HTR3B: variants seen among roughly 807,000 people sequenced by gnomAD.
HTR3B encodes the protein 5-hydroxytryptamine (serotonin) receptor 3B, ionotropic.
HTR3B carries 44 observed loss-of-function variants against 42.8 expected under a neutral mutation model. The observed-to-expected ratio is 1.03, with a 90% CI of 0.81 to 1.32. HTR3B has a LOEUF of 1.32. Among genes scored for constraint, HTR3B ranks in the 40% most tolerant of loss-of-function variants. The pLI, the probability that HTR3B is intolerant of heterozygous loss-of-function variation, is 0.00. For synonymous variants in HTR3B, 203 were observed against 209.0 expected (o/e 0.97, Z 0.25); for missense variants, 527 against 536.5 (o/e 0.98, Z 0.17).
At chr11:113,901,289 AG>A (rs1949696100), upstream of HTR3B, among the ~76,000 whole-genome samples, 1 of 152,112 alleles carries the variant, frequency 6.6e-6, no homozygotes. Flanking sequence ...TAAAAAGAGA[AG>A]AAATTAGCCA....
chr11:113,936,919 A>T lies in HTR3B; in HGVS notation c.696+3826A>T, dbSNP rs770464352. Among the ~76,000 whole-genome samples, 8 of 152,316 alleles carry T rather than the reference A, an allele frequency of 5.3e-5. No homozygotes were observed. The East Asian group carries it at 1.5e-3, about 29-fold the overall frequency. On this transcript the variant is annotated intron_variant, in intron 6 of 8. Coordinates refer to ENST00000260191, the MANE Select transcript of HTR3B (RefSeq NM_006028.5). ...CATCTCCAAGGAGCTCTCCACACACACATTCGGAATTAGATTGATCTCTTT... is the reference window on the plus strand; with the variant it reads ...CATCTCCAAGGAGCTCTCCACACACTCATTCGGAATTAGATTGATCTCTTT...
rs76700937 is a variant in HTR3B at position 113,925,123 on chromosome 11, A to G, written c.214-6261A>G. ...CACCATCAACATGGACTATAATACC[A>G]GTGGTGCCTTCTGACCCCCTATCCA... On this transcript the variant is annotated intron_variant, in intron 2 of 8. Coordinates refer to ENST00000260191, the MANE Select transcript of HTR3B (RefSeq NM_006028.5). Among the ~76,000 whole-genome samples, 103 of 152,302 alleles carry G rather than the reference A, an allele frequency of 6.8e-4. No homozygotes were observed. In the East Asian group the frequency reaches 0.018, roughly 27 times the overall value.
At chr11:113,933,803 T>G (rs1242032761) in intron 6 of HTR3B, among the ~76,000 whole-genome samples, 1 of 152,222 alleles carries the variant, frequency 6.6e-6, no homozygotes, top group Non-Finnish European at 1.5e-5. Flanking sequence ...CCTGGGAAAC[T>G]GTTTTGACAC....
chr11:113,935,675 C>T (rs768996738), intron 6 of HTR3B, among the ~76,000 whole-genome samples: 2 of 152,202 alleles, frequency 1.3e-5, no homozygotes, highest in African/African-American at 4.8e-5. Flanking sequence ...TTTCCTTCAA[C>T]AGCCCTTGGC....
chr11:113,941,919 G>C (rs548697603), intron 6 of HTR3B, among the ~76,000 whole-genome samples: 1 of 152,254 alleles, frequency 6.6e-6, no homozygotes, highest in South Asian at 2.1e-4. Flanking sequence ...GCCATCTTGT[G>C]GTTTCCCTAA....
chr11:113,908,765 T>C (rs185970955), intron 1 of HTR3B, among the ~76,000 whole-genome samples: 13 of 152,338 alleles, frequency 8.5e-5, no homozygotes, highest in African/African-American at 2.6e-4. Flanking sequence ...AAGAGATTTT[T>C]GAGGAGAAAA....
In HTR3B at chr11:113,945,984, C is replaced by T. The variant is rs1950174160; in HGVS notation, c.1173C>T (p.Tyr391=). The T allele has an allele frequency of 6.2e-7, 1 of 1,614,034 alleles. No homozygotes were observed. Among genetic ancestry groups the T allele is most frequent in the African/African-American group, 1.3e-5 (1 of 74,920 alleles). ...VWSQLQSISN[Y]LQTQDQTDQQ... is the part of the protein sequence containing the mutation. ...CGCAGCTTCAATCTATCAGCAACTA[C>T]CTCCAAACTCAGGACCAGACAGACC... Residue 391 remains tyrosine (Y), a synonymous_variant, in exon 9 of 9, where the codon TAC becomes TAT. Coordinates refer to ENST00000260191, the MANE Select transcript of HTR3B (RefSeq NM_006028.5).
At chr11:113,913,430 C>T (rs1371379591) in intron 2 of HTR3B, among the ~76,000 whole-genome samples, 3 of 135,904 alleles carry the variant, frequency 2.2e-5, no homozygotes, top group Non-Finnish European at 3.0e-5. Context: ...AGGCTGGTCT[C>T]GAACTCCTGA....
At chr11:113,935,828 AG>A (rs1237673757) in intron 6 of HTR3B, among the ~76,000 whole-genome samples, 4 of 152,266 alleles carry the variant, frequency 2.6e-5, no homozygotes, top group Admixed American at 2.6e-4. Context: ...GGGGACGGGT[AG>A]GGAAGTCAGG....
At chr11:113,922,289 G>C (rs1220311795) in intron 2 of HTR3B, among the ~76,000 whole-genome samples, 6 of 151,672 alleles carry the variant, frequency 4.0e-5, no homozygotes, top group Non-Finnish European at 8.8e-5. Context: ...ATCCAGGCTG[G>C]AGTACAGTGG....
chr11:113,930,376 G>A (rs562142400), intron 2 of HTR3B, among the ~76,000 whole-genome samples: 1 of 151,480 alleles, frequency 6.6e-6, no homozygotes, highest in African/African-American at 2.4e-5. Context: ...GTTTATATAC[G>A]GTGTGAGATA....
In HTR3B at chr11:113,932,366, T is replaced by G; in HGVS notation, c.446T>G (p.Ile149Ser). The change falls in exon 5 of 9, where the codon ATC becomes AGC. Residue 149 changes from isoleucine to serine, a missense_variant. Physicochemically the swap from Ile to Ser is moderately radical, Grantham distance 142 (BLOSUM62 -2). Transcript: ENST00000260191. Reference protein sequence around the residue: ...SSGTIENYKPIQVVSACSLET... With the variant: ...SSGTIENYKPSQVVSACSLET... ...GGGACCATTGAGAACTATAAGCCCA[T>G]CCAGGTGGTCTCTGCGTGCAGTTTA... 1.2e-6 allele frequency: 2 copies of G among 1,613,784 alleles called. No homozygotes were observed. Among genetic ancestry groups the G allele is most frequent in the Non-Finnish European group, 1.7e-6 (2 of 1,179,664 alleles).
At chr11:113,899,903 T>G, upstream of HTR3B, among the ~76,000 whole-genome samples, 1 of 152,212 alleles carries the variant, frequency 6.6e-6, no homozygotes, top group East Asian at 1.9e-4. Flanking sequence ...CCTGAACTTC[T>G]GTAAGAGAAT....
intron 2 of HTR3B, among the ~76,000 whole-genome samples, chr11:113,913,037 C>T (rs1160260545): frequency 6.7e-6 from 1 of 148,976 alleles, no homozygotes; most frequent in East Asian, 1.9e-4. Context: ...ATAGTAATTA[C>T]ATAATACATA....
chr11:113,928,930 G>T (rs954231128), intron 2 of HTR3B, among the ~76,000 whole-genome samples: 2 of 152,146 alleles, frequency 1.3e-5, no homozygotes, highest in Non-Finnish European at 2.9e-5. Flanking sequence ...GGACACTTGG[G>T]TTGATTCTAC....
In HTR3B at chr11:113,932,354, A is replaced by G; in HGVS notation, c.434A>G (p.Asn145Ser). Residue 145 changes from asparagine (N) to serine (S), a missense_variant, in exon 5 of 9, where the codon AAC becomes AGC. Physicochemically the swap from Asn to Ser is conservative, Grantham distance 46. Coordinates refer to ENST00000260191, the MANE Select transcript of HTR3B (RefSeq NM_006028.5). ...GTGAACTCATCTGGGACCATTGAGA[A>G]CTATAAGCCCATCCAGGTGGTCTCT... Reference protein sequence around the residue: ...VYVNSSGTIENYKPIQVVSAC... With the variant: ...VYVNSSGTIESYKPIQVVSAC... 6.2e-7 allele frequency: 1 copy of G among 1,613,746 alleles called. No homozygotes were observed. The highest frequency in any genetic ancestry group is 8.5e-7 in the Non-Finnish European group (1 of 1,179,652).
chr11:113,909,574 T>C (rs1269846152), intron 2 of HTR3B, 119 bp downstream of exon 2: 14 of 784,816 alleles, frequency 1.8e-5, no homozygotes, highest in Non-Finnish European at 2.8e-5. Flanking sequence ...GCAGGGAAGT[T>C]GCGCTAGATT....
Position 113,932,393 on chromosome 11 carries a change from A to G in HTR3B, c.473A>G (p.Glu158Gly). ...PIQVVSACSL[E>G]TYAFPFDVQN... is the part of the protein sequence containing the mutation. ...CAGGTGGTCTCTGCGTGCAGTTTAG[A>G]GACATATGCTTTTCCATTTGATGTC... Residue 158 changes from glutamate (E) to glycine (G), a missense_variant, in exon 5 of 9, where the codon GAG becomes GGG. Coordinates refer to ENST00000260191, the MANE Select transcript of HTR3B (RefSeq NM_006028.5). 6.2e-7 allele frequency: 1 copy of G among 1,614,096 alleles called. No individual in the cohort carries two copies. The highest frequency in any genetic ancestry group is 8.5e-7 in the Non-Finnish European group (1 of 1,179,948).
At chr11:113,928,679 G>T in intron 2 of HTR3B, among the ~76,000 whole-genome samples, 1 of 152,100 alleles carries the variant, frequency 6.6e-6, no homozygotes, top group Admixed American at 6.5e-5. Flanking sequence ...TGGGATTACA[G>T]GTGTGCGCTA....
Sources: allele counts gnomAD v4.1 joint callset (sites outside exome capture counted in the v4.1 genomes callset), GRCh38; gene constraint gnomAD v4.1.1; transcripts MANE v1.5; gene names NCBI Gene and HGNC (gene_info 2026-07-23, HGNC 2026-07-21).